The following TJP1 variants were observed in gnomAD, a reference collection of about 807,000 sequenced individuals.
TJP1 encodes the protein tight junction protein 1, also known as tight junction protein ZO-1.
TJP1 carries 43 observed loss-of-function variants against 194.2 expected under a neutral mutation model. That is an observed-to-expected ratio of 0.22 (90% CI 0.17 to 0.29). The LOEUF is 0.29. Among genes scored for constraint, TJP1 ranks in the 10% least tolerant of loss-of-function variants. The probability of loss-of-function intolerance (pLI) is 1.00; values close to 1 mark genes in which losing one functional copy is unlikely to be tolerated. For missense variants in TJP1, 1,971 were observed against 2,185.7 expected (o/e 0.90, Z 1.96); for synonymous variants, 801 against 779.0 (o/e 1.03, Z -0.47).
chr15:29,741,979 C>G (rs1174756408), intron 9 of TJP1, among the ~76,000 whole-genome samples: 1 of 152,072 alleles, frequency 6.6e-6, no homozygotes, highest in Non-Finnish European at 1.5e-5. Context: ...TCCCAACACA[C>G]TAGGAAGCTG....
In TJP1 at chr15:29,771,963, T is replaced by C. The variant is rs537721498; in HGVS notation, c.312+101A>G. Reference sequence around the variant, plus strand: ...TAAACAAATAACTTTGGAACTATTGTTTCAGTTTTCCTTAAATGGGAAGGA... The same window carrying C: ...TAAACAAATAACTTTGGAACTATTGCTTCAGTTTTCCTTAAATGGGAAGGA... On this transcript the variant is annotated intron_variant, in intron 4 of 27. Transcript: ENST00000614355. 217 of 719,522 alleles carry C rather than the reference T, an allele frequency of 3.0e-4. 2 individuals carry two copies. In the South Asian group the frequency reaches 4.2e-3, roughly 14 times the overall value. The allele number at this position is 719,522 out of a possible 1,614,324, so 44.6% of individuals were successfully genotyped here. A position where few individuals can be genotyped will look rare whatever the true frequency, so the allele number is the denominator to read the frequency against.
chr15:29,949,594 A>AACCACCACCTCCACCTCCACC (rs2055520719), intron 2 of TJP1, among the ~76,000 whole-genome samples: 2 of 11,626 alleles, frequency 1.7e-4, no homozygotes, highest in African/African-American at 6.1e-4. Flanking sequence ...CCACCTCCAC[A>AACCACCACCTCCACCTCCACC]ACCACCACCT....
At chr15:29,940,454 C>T (rs909700849) in intron 2 of TJP1, among the ~76,000 whole-genome samples, 2 of 152,170 alleles carry the variant, frequency 1.3e-5, no homozygotes, top group Admixed American at 1.3e-4. Context: ...CATTCTAATG[C>T]TCAGCAGTCA....
intron 2 of TJP1, among the ~76,000 whole-genome samples, chr15:29,857,496 C>T (rs2051904400): frequency 6.6e-6 from 1 of 152,100 alleles, no homozygotes; most frequent in African/African-American, 2.4e-5. Context: ...GGCCTCAAGC[C>T]TTGGTCATCT....
chr15:29,829,771 AAAATT>A (rs1165685340), intron 2 of TJP1, among the ~76,000 whole-genome samples: 1 of 152,202 alleles, frequency 6.6e-6, no homozygotes, highest in African/African-American at 2.4e-5. Context: ...AAAATACAGA[AAAATT>A]AGTAGAACTT....
chr15:29,956,479 A>T, intron 1 of TJP1: 1 of 990,768 alleles, frequency 1.0e-6, no homozygotes, highest in Non-Finnish European at 1.3e-6. Flanking sequence ...TCCTTTTTCC[A>T]GCCAAAAAGC....
chr15:29,932,821 AT>A (rs2152272577), intron 2 of TJP1, among the ~76,000 whole-genome samples: 1 of 152,278 alleles, frequency 6.6e-6, no homozygotes, highest in Non-Finnish European at 1.5e-5. Context: ...TGAAAAATGA[AT>A]TATTTAGGCT....
At chr15:29,842,058 A>T (rs763149571) in intron 2 of TJP1, among the ~76,000 whole-genome samples, 15 of 152,146 alleles carry the variant, frequency 9.9e-5, no homozygotes, top group Non-Finnish European at 1.5e-4. Context: ...GAGCGATGAA[A>T]ATTTGAGCAA....
intron 2 of TJP1, among the ~76,000 whole-genome samples, chr15:29,925,103 C>T (rs989897597): frequency 6.6e-6 from 1 of 152,180 alleles, no homozygotes; most frequent in Non-Finnish European, 1.5e-5. Context: ...TTATGCTATG[C>T]AAACAACCAG....
chr15:29,809,763 T>C (rs2049360139), intron 1 of TJP1, among the ~76,000 whole-genome samples: 1 of 152,108 alleles, frequency 6.6e-6, no homozygotes, highest in South Asian at 2.1e-4. Flanking sequence ...GGAGAATCCC[T>C]TGAACCAGGG....
intron 3 of TJP1, 29 bp from the exon 4 acceptor site, chr15:29,772,195 G>C (rs574921317): frequency 7.3e-7 from 1 of 1,373,960 alleles, no homozygotes; most frequent in South Asian, 1.3e-5. Context: ...AAAATAATAT[G>C]TTAGAGAAAA....
At chr15:29,810,430 T>C (rs1389831100) in intron 1 of TJP1, among the ~76,000 whole-genome samples, 1 of 152,150 alleles carries the variant, frequency 6.6e-6, no homozygotes, top group Non-Finnish European at 1.5e-5. Flanking sequence ...GCCAGGATAT[T>C]AAGTAGTATT....
chr15:29,745,977 T>A (rs2151385078), intron 8 of TJP1, among the ~76,000 whole-genome samples: 1 of 152,186 alleles, frequency 6.6e-6, no homozygotes, highest in East Asian at 1.9e-4. Context: ...GGGGGTGAAG[T>A]GGAGTTGGTG....
At chr15:29,753,786 G>A (rs1206225914) in intron 8 of TJP1, among the ~76,000 whole-genome samples, 1 of 146,682 alleles carries the variant, frequency 6.8e-6, no homozygotes, top group Admixed American at 6.9e-5. Flanking sequence ...TTTCTAACTG[G>A]CACCCTTTCT....
chr15:29,777,032 C>G (rs567396353), intron 2 of TJP1, among the ~76,000 whole-genome samples: 1 of 152,170 alleles, frequency 6.6e-6, no homozygotes, highest in South Asian at 2.1e-4. Flanking sequence ...CTTCCACCCC[C>G]CCCACTCAAT....
At chr15:29,876,320 A>G (rs7163706) in intron 2 of TJP1, among the ~76,000 whole-genome samples, 33,314 of 151,916 alleles carry the variant, frequency 0.22, 4,259 homozygotes, top group African/African-American at 0.33. Flanking sequence ...AGGAGTTCGA[A>G]ACCAGCTTGA....
chr15:29,711,754 T>G (rs1448272995), intron 23 of TJP1, among the ~76,000 whole-genome samples: 1 of 152,178 alleles, frequency 6.6e-6, no homozygotes, highest in Non-Finnish European at 1.5e-5. Flanking sequence ...TTGGCAAACT[T>G]TTTCACTGAA....
Position 29,718,797 on chromosome 15 carries a change from G to A in TJP1, c.3345C>T (p.Asp1115=). Reference sequence around the variant, plus strand: ...AGGACTCTTCGGGATGCTGTCTGGAGTCAAGGTCTTGAGAGTGCTGATTAT... The same window carrying A: ...AGGACTCTTCGGGATGCTGTCTGGAATCAAGGTCTTGAGAGTGCTGATTAT... ...PFDNQHSQDL[D]SRQHPEESSE... is the part of the protein sequence containing the mutation. The change falls in exon 21 of 28, where the codon GAC becomes GAT. Residue 1115 remains aspartate (D), a synonymous_variant. Transcript: ENST00000614355. 1.9e-6 allele frequency: 3 copies of A among 1,614,182 alleles called. No individual in the cohort carries two copies. Among genetic ancestry groups the A allele is most frequent in the Non-Finnish European group, 2.5e-6 (3 of 1,180,038 alleles).
At chr15:29,831,168 T>C (rs2050827062) in intron 2 of TJP1, among the ~76,000 whole-genome samples, 1 of 152,138 alleles carries the variant, frequency 6.6e-6, no homozygotes, top group Non-Finnish European at 1.5e-5. Context: ...AAGAGGAGAA[T>C]ATATTTTGTA....
Sources: allele counts gnomAD v4.1 joint callset (sites outside exome capture counted in the v4.1 genomes callset), GRCh38; gene constraint gnomAD v4.1.1; transcripts MANE v1.5; gene names NCBI Gene and HGNC (gene_info 2026-07-23, HGNC 2026-07-21).